RALGPS2: variants seen among roughly 807,000 people sequenced by gnomAD.
RALGPS2 encodes the protein Ral GEF with PH domain and SH3 binding motif 2.
Under a neutral mutation model 86.8 loss-of-function variants are expected in RALGPS2, and 43 were observed. That is an observed-to-expected ratio of 0.50 (90% CI 0.39 to 0.64). The LOEUF (loss-of-function observed/expected upper bound fraction) is 0.64, where lower values mean the gene tolerates loss of function less well. RALGPS2 is among the 30% of genes least tolerant of loss of function. RALGPS2 has a pLI of 0.00. For missense variants in RALGPS2, 536 were observed against 694.6 expected (o/e 0.77, Z 2.57); for synonymous variants, 243 against 231.3 (o/e 1.05, Z -0.46).
intron 13 of RALGPS2, 54 bp from the exon 14 acceptor site, chr1:178,889,588 C>T: frequency 1.7e-6 from 2 of 1,175,548 alleles, no homozygotes; most frequent in Admixed American, 1.9e-5. Flanking sequence ...TTGTGAAATG[C>T]AAACTAGAGA....
At chr1:178,822,666 T>C (rs1181427533) in intron 7 of RALGPS2, among the ~76,000 whole-genome samples, 1 of 152,154 alleles carries the variant, frequency 6.6e-6, no homozygotes, top group Non-Finnish European at 1.5e-5. Context: ...TTTTCTATTT[T>C]ATAGAAAAAC....
chr1:178,853,432 A>G (rs1657313068), intron 8 of RALGPS2, among the ~76,000 whole-genome samples: 2 of 152,140 alleles, frequency 1.3e-5, no homozygotes, highest in African/African-American at 4.8e-5. Context: ...TGACTTTAAA[A>G]CCAGAGATGA....
At chr1:178,794,527 T>C (rs1011679217) in intron 4 of RALGPS2, among the ~76,000 whole-genome samples, 28 of 152,240 alleles carry the variant, frequency 1.8e-4, no homozygotes, top group Admixed American at 1.6e-3. Context: ...TTCCATGTTA[T>C]TACATTTAGA....
At chr1:178,867,014 C>G (rs568675031) in intron 8 of RALGPS2, among the ~76,000 whole-genome samples, 5 of 152,054 alleles carry the variant, frequency 3.3e-5, no homozygotes, top group African/African-American at 1.2e-4. Flanking sequence ...TTCACTCTTG[C>G]GAACTTCATA....
At chr1:178,789,194 A>T (rs554706833) in intron 4 of RALGPS2, among the ~76,000 whole-genome samples, 14 of 152,210 alleles carry the variant, frequency 9.2e-5, no homozygotes, top group Admixed American at 2.0e-4. Flanking sequence ...GGCGTGAGCC[A>T]CTGTGCCCGG....
intron 19 of RALGPS2, among the ~76,000 whole-genome samples, chr1:178,914,765 C>T (rs757759762): frequency 7.2e-5 from 11 of 152,036 alleles, no homozygotes; most frequent in Admixed American, 3.9e-4. Flanking sequence ...GTATTTAGTA[C>T]CATTTTTAGC....
chr1:178,793,366 TAATA>T (rs1034840706), intron 4 of RALGPS2, among the ~76,000 whole-genome samples: 2 of 151,792 alleles, frequency 1.3e-5, no homozygotes, highest in Non-Finnish European at 2.9e-5. Context: ...TATAAGGCTT[TAATA>T]AATAAGAATT....
Position 178,916,340 on chromosome 1 carries a change from A to G in RALGPS2, c.1733A>G (p.Asn578Ser). The G allele has an allele frequency of 6.2e-7, 1 of 1,602,336 alleles. No homozygotes were observed. The highest frequency in any genetic ancestry group is 8.5e-7 in the Non-Finnish European group (1 of 1,169,940). Reference protein sequence around the residue: ...CQSNKQQVPTNLMTFE With the variant: ...CQSNKQQVPTSLMTFE ...GCTTATATTTTTTAGGTTCCTACAA[A>G]CTTGATGACTTTTGAGTAGAAGCCT... Residue 578 changes from asparagine to serine, a missense_variant, in exon 20 of 20, where the codon AAC (asparagine) becomes AGC (serine). Asn to Ser is a conservative substitution (Grantham distance 46). Transcript: ENST00000367635.
chr1:178,783,778 G>A (rs1653511462), intron 2 of RALGPS2, among the ~76,000 whole-genome samples: 1 of 152,118 alleles, frequency 6.6e-6, no homozygotes, highest in Admixed American at 6.6e-5. Context: ...TGGCACAGAC[G>A]AAGTGGAAAA....
At chr1:178,844,637 T>G (rs911981463) in intron 8 of RALGPS2, among the ~76,000 whole-genome samples, 18 of 152,300 alleles carry the variant, frequency 1.2e-4, no homozygotes, top group Middle Eastern at 3.4e-3. Flanking sequence ...AATTGCTTTA[T>G]AAGAGAATTA....
intron 1 of RALGPS2, among the ~76,000 whole-genome samples, chr1:178,745,208 T>G (rs527312699): frequency 5.3e-5 from 8 of 152,262 alleles, no homozygotes; most frequent in African/African-American, 1.7e-4. Flanking sequence ...TCAATGTGAT[T>G]CCAGTCAAAA....
At chr1:178,876,408 A>G (rs1020205519) in intron 8 of RALGPS2, among the ~76,000 whole-genome samples, 1 of 152,134 alleles carries the variant, frequency 6.6e-6, no homozygotes, top group African/African-American at 2.4e-5. Context: ...CTATCTATGT[A>G]TTTCAGGTTC....
At chr1:178,870,501 A>G (rs1658688366) in intron 8 of RALGPS2, among the ~76,000 whole-genome samples, 1 of 152,202 alleles carries the variant, frequency 6.6e-6, no homozygotes, top group Non-Finnish European at 1.5e-5. Context: ...TGCATGTATC[A>G]GTCTGTAATC....
intron 4 of RALGPS2, among the ~76,000 whole-genome samples, chr1:178,787,612 A>G (rs192536969): frequency 2.6e-5 from 4 of 152,322 alleles, no homozygotes; most frequent in African/African-American, 9.6e-5. Flanking sequence ...ACTTGAAGAC[A>G]TAGACTTCAC....
At chr1:178,889,796 A>G in intron 14 of RALGPS2, 100 bp downstream of exon 14, 1 of 777,642 alleles carries the variant, frequency 1.3e-6, no homozygotes, top group Non-Finnish European at 2.1e-6. Flanking sequence ...CATATCCCTA[A>G]GCGATTAAGT....
intron 11 of RALGPS2, among the ~76,000 whole-genome samples, chr1:178,884,138 A>C (rs1659377409): frequency 6.6e-6 from 1 of 152,204 alleles, no homozygotes; most frequent in African/African-American, 2.4e-5. Context: ...GTCCTAGGCA[A>C]TGAAGGTTGA....
At chr1:178,791,289 T>TC (rs1352973388) in intron 4 of RALGPS2, among the ~76,000 whole-genome samples, 1 of 145,108 alleles carries the variant, frequency 6.9e-6, no homozygotes, top group Non-Finnish European at 1.5e-5. Context: ...CCTGCCTAAT[T>TC]TTTTTTTTTT....
At chr1:178,852,831 A>G (rs1179417539) in intron 8 of RALGPS2, 7 of 1,613,820 alleles carry the variant, frequency 4.3e-6, no homozygotes, top group Middle Eastern at 1.6e-4. Context: ...TGTATTCTGC[A>G]TAGACTTTTT....
chr1:178,889,720 C>G, intron 14 of RALGPS2, 24 bp downstream of exon 14: 2 of 1,557,942 alleles, frequency 1.3e-6, no homozygotes, highest in Admixed American at 1.7e-5. Flanking sequence ...TCCATTTGAA[C>G]TACTTGGAGT....
Sources: gnomAD v4.1 joint callset for allele counts (sites outside exome capture counted in the v4.1 genomes callset) on GRCh38, gnomAD v4.1.1 for gene constraint, MANE v1.5 for transcripts, NCBI Gene and HGNC (gene_info 2026-07-23, HGNC 2026-07-21) for gene names.